ADGRL3: variants seen among roughly 807,000 people sequenced by gnomAD.
The protein encoded by ADGRL3 is adhesion G protein-coupled receptor L3.
ADGRL3 carries 62 observed loss-of-function variants against 153.5 expected under a neutral mutation model. The ratio of observed to expected loss-of-function variants is 0.40; its 90% CI spans 0.33 to 0.50. The LOEUF (loss-of-function observed/expected upper bound fraction) is 0.50. Among genes scored for constraint, ADGRL3 ranks in the 20% least tolerant of loss-of-function variants. ADGRL3 has a pLI of 0.47. For synonymous variants in ADGRL3, 710 were observed against 672.5 expected, an observed-to-expected ratio of 1.06 and a Z score of -0.86; for missense variants, 1,641 against 1,859.4, an observed-to-expected ratio of 0.88 and a Z score of 2.16.
intron 9 of ADGRL3, among the ~76,000 whole-genome samples, chr4:61,888,186 T>C (rs1042319650): frequency 2.0e-5 from 3 of 152,202 alleles, no homozygotes. Flanking sequence ...AAAACAGTGA[T>C]GATATAAGGA....
At chr4:61,650,319 A>C (rs2094199881) in intron 5 of ADGRL3, among the ~76,000 whole-genome samples, 1 of 152,160 alleles carries the variant, frequency 6.6e-6, no homozygotes, top group Non-Finnish European at 1.5e-5. Flanking sequence ...TTACTGTATT[A>C]CTTTTTAAAA....
intron 4 of ADGRL3, among the ~76,000 whole-genome samples, chr4:61,546,244 T>C (rs1423165661): frequency 6.6e-6 from 1 of 152,184 alleles, no homozygotes; most frequent in Non-Finnish European, 1.5e-5. Flanking sequence ...CCTGCATTGG[T>C]TTACAAAGCC....
intron 8 of ADGRL3, among the ~76,000 whole-genome samples, chr4:61,795,756 T>C (rs2152457060): frequency 6.6e-6 from 1 of 152,294 alleles, no homozygotes; most frequent in South Asian, 2.1e-4. Context: ...GATTTTTTAT[T>C]CCGCTTCCCC....
chr4:61,375,293 A>G (rs373586267), intron 1 of ADGRL3, among the ~76,000 whole-genome samples: 4 of 152,198 alleles, frequency 2.6e-5, no homozygotes, highest in Admixed American at 1.3e-4. Flanking sequence ...ATGAAGAGAA[A>G]GTACAGTTTT....
chr4:61,613,764 G>T (rs1010445589), intron 5 of ADGRL3, among the ~76,000 whole-genome samples: 1 of 152,106 alleles, frequency 6.6e-6, no homozygotes, highest in African/African-American at 2.4e-5. Flanking sequence ...ACATGTTGTA[G>T]TAATACATTT....
Position 61,442,358 on chromosome 4 carries a change from C to T in ADGRL3, c.-173-54763C>T, listed in dbSNP as rs183586035. ...GCCAATGTGGCTAGAGAATCAGATA[C>T]GTAGGAGAAAATGACTAGACGTTAG... On this transcript the variant is annotated intron_variant, in intron 2 of 26. Transcript: ENST00000683033. Among the ~76,000 whole-genome samples the T allele has an allele frequency of 7.3e-4, 111 of 152,054 alleles. 1 individual carries two copies. The Middle Eastern group carries it at 0.044, about 61-fold the overall frequency.
At chr4:61,527,037 T>C (rs961913519) in intron 4 of ADGRL3, among the ~76,000 whole-genome samples, 1 of 152,192 alleles carries the variant, frequency 6.6e-6, no homozygotes, top group African/African-American at 2.4e-5. Flanking sequence ...TAAGTTAACA[T>C]TATTTGCAAC....
At chr4:62,013,906 TTTG>T (rs1397671718) in intron 21 of ADGRL3, among the ~76,000 whole-genome samples, 6 of 151,408 alleles carry the variant, frequency 4.0e-5, no homozygotes, top group Non-Finnish European at 8.9e-5. Context: ...AAATTTTTTT[TTTG>T]TTTGTTTGTT....
intron 4 of ADGRL3, among the ~76,000 whole-genome samples, chr4:61,530,389 T>TAA (rs61318359): frequency 2.8e-5 from 4 of 142,596 alleles, no homozygotes; most frequent in East Asian, 4.1e-4. Context: ...CTACCCTCCC[T>TAA]AAAAAAAAAA....
At position 62,071,862 on chromosome 4, in the gene ADGRL3, A is replaced by G. The variant is rs1007310495; in HGVS notation, c.*954A>G. 3 of 332,322 alleles carry G rather than the reference A, an allele frequency of 9.0e-6. No individual in the cohort carries two copies. The highest frequency in any genetic ancestry group is 2.5e-5 in the South Asian group (1 of 39,432). 20.6% of individuals were successfully genotyped at this position (332,322 alleles called of 1,614,324 possible). On this transcript the variant is annotated 3_prime_UTR_variant, in exon 27 of 27. Transcript: ENST00000683033. ...CAAACAAATTATTTTTTACAAAAAAACAAAATAAATAAAATTAGACTTCCT... is the reference window on the plus strand; with the variant it reads ...CAAACAAATTATTTTTTACAAAAAAGCAAAATAAATAAAATTAGACTTCCT...
chr4:61,587,860 A>G (rs2098952723), intron 5 of ADGRL3, among the ~76,000 whole-genome samples: 1 of 152,136 alleles, frequency 6.6e-6, no homozygotes, highest in Non-Finnish European at 1.5e-5. Flanking sequence ...GGTAATTTAT[A>G]ATCATTAATC....
intron 2 of ADGRL3, among the ~76,000 whole-genome samples, chr4:61,439,606 C>T (rs977782236): frequency 2.6e-5 from 4 of 152,056 alleles, no homozygotes; most frequent in Non-Finnish European, 4.4e-5. Context: ...CCTCCCCTAG[C>T]CCTCCAACCC....
chr4:61,531,027 A>G (rs568706298), intron 4 of ADGRL3, among the ~76,000 whole-genome samples: 14 of 152,160 alleles, frequency 9.2e-5, no homozygotes, highest in Admixed American at 2.0e-4. Flanking sequence ...CTCAATAAAT[A>G]TTTCCTTACT....
At chr4:61,776,510 A>G (rs1432927950) in intron 8 of ADGRL3, among the ~76,000 whole-genome samples, 1 of 152,210 alleles carries the variant, frequency 6.6e-6, no homozygotes, top group Non-Finnish European at 1.5e-5. Context: ...GAAATCAACT[A>G]TTAAAGTTTA....
chr4:61,895,867 T>C, intron 11 of ADGRL3, 33 bp downstream of exon 11: 1 of 1,235,800 alleles, frequency 8.1e-7, no homozygotes, highest in Non-Finnish European at 1.2e-6. Context: ...AAGTCTTTGC[T>C]AAAACTATAT....
intron 4 of ADGRL3, among the ~76,000 whole-genome samples, chr4:61,576,247 C>T (rs1418342910): frequency 2.6e-5 from 4 of 151,968 alleles, no homozygotes; most frequent in Non-Finnish European, 5.9e-5. Context: ...AAACCAGCTA[C>T]ATATTTCATT....
chr4:61,686,486 AC>A (rs1561063092), intron 6 of ADGRL3, among the ~76,000 whole-genome samples: 2 of 152,250 alleles, frequency 1.3e-5, no homozygotes, highest in African/African-American at 4.8e-5. Context: ...TCATTCAAAT[AC>A]TTATTTATTA....
At chr4:61,278,202 A>G (rs1369191253) in intron 1 of ADGRL3, among the ~76,000 whole-genome samples, 2 of 152,082 alleles carry the variant, frequency 1.3e-5, no homozygotes, top group Non-Finnish European at 2.9e-5. Flanking sequence ...GTCATGAATC[A>G]TGTTTATATG....
At chr4:61,424,955 C>G (rs1245108024) in intron 2 of ADGRL3, among the ~76,000 whole-genome samples, 1 of 152,110 alleles carries the variant, frequency 6.6e-6, no homozygotes, top group African/African-American at 2.4e-5. Flanking sequence ...GTGGCAGGCA[C>G]AAAGGCCATC....
Sources: gnomAD v4.1 joint callset for allele counts (sites outside exome capture counted in the v4.1 genomes callset) on GRCh38, gnomAD v4.1.1 for gene constraint, MANE v1.5 for transcripts, NCBI Gene and HGNC (gene_info 2026-07-23, HGNC 2026-07-21) for gene names.